The following LONP2 variants were observed in gnomAD, a reference collection of about 807,000 sequenced individuals.
LONP2 encodes lon peptidase 2, peroxisomal, also known as lon protease homolog 2, peroxisomal.
In LONP2, 60 loss-of-function variants were observed where a neutral mutation model predicts 85.6. The observed-to-expected ratio is 0.70, with a 90% CI of 0.57 to 0.87. The LOEUF is 0.87. Among genes scored for constraint, LONP2 ranks in the 40% least tolerant of loss-of-function variants. The pLI is 0.00. For missense variants in LONP2, 860 were observed against 1,063.5 expected (o/e 0.81, Z 2.66); for synonymous variants, 395 against 389.7 (o/e 1.01, Z -0.16).
Position 48,303,225 on chromosome 16 carries a change from G to C in LONP2, c.1715G>C (p.Cys572Ser). ...RSLDRKLGAICRAVAVKVAEG... is the reference protein window; with the variant it reads ...RSLDRKLGAISRAVAVKVAEG... ...CTGGATAGAAAACTTGGGGCCATTT[G>C]CCGAGCTGTGGCCGTGAAGGTGGCA... Residue 572 changes from cysteine (C) to serine (S), a missense_variant, in exon 11 of 15, where the codon TGC becomes TCC. Around this residue, in one of 3 missense-constraint regions of LONP2, gnomAD observed 743 missense variants for 917.3 expected, o/e 0.81. Transcript: ENST00000285737. 1 of 1,614,156 alleles carries C rather than the reference G, an allele frequency of 6.2e-7. No individual in the cohort carries two copies. The highest frequency in any genetic ancestry group is 8.5e-7 in the Non-Finnish European group (1 of 1,180,036).
intron 7 of LONP2, among the ~76,000 whole-genome samples, chr16:48,272,614 G>T (rs146790576): frequency 6.6e-6 from 1 of 152,090 alleles, no homozygotes; most frequent in Admixed American, 6.6e-5. Context: ...TTTTAGAAAC[G>T]TATATATGGA....
chr16:48,277,036 G>A (rs556504320), intron 7 of LONP2, among the ~76,000 whole-genome samples: 34 of 152,146 alleles, frequency 2.2e-4, no homozygotes, highest in Non-Finnish European at 3.7e-4. Context: ...GAATCTTGAA[G>A]AGTAAGAACC....
chr16:48,305,233 TG>T (rs1177441909), intron 11 of LONP2, among the ~76,000 whole-genome samples: 1 of 152,110 alleles, frequency 6.6e-6, no homozygotes, highest in Non-Finnish European at 1.5e-5. Flanking sequence ...CTTTAAAACT[TG>T]TGCTTTATTT....
downstream of LONP2, chr16:48,357,392 C>T (rs1463739397): frequency 1.3e-5 from 2 of 152,182 alleles, no homozygotes; most frequent in African/African-American, 4.8e-5. Flanking sequence ...CCAAATACTC[C>T]TTTGTGCTTT....
At chr16:48,350,073 T>G (rs926222267) in intron 14 of LONP2, among the ~76,000 whole-genome samples, 11 of 152,052 alleles carry the variant, frequency 7.2e-5, no homozygotes, top group Non-Finnish European at 1.5e-4. Context: ...GAAATATATC[T>G]CTACAAAAAT....
chr16:48,290,411 A>G (rs954532084), intron 8 of LONP2, among the ~76,000 whole-genome samples: 2 of 152,148 alleles, frequency 1.3e-5, no homozygotes, highest in African/African-American at 4.8e-5. Flanking sequence ...TTCAATTCTG[A>G]CAAAGTGTAT....
At chr16:48,347,230 G>A (rs544844414) in intron 12 of LONP2, among the ~76,000 whole-genome samples, 1 of 152,310 alleles carries the variant, frequency 6.6e-6, no homozygotes, top group South Asian at 2.1e-4. Context: ...ACTAGGGCAT[G>A]TGTAGCTAGA....
chr16:48,248,885 G>GAAAAAAAAAAAAAAAAAA (rs768247989), intron 1 of LONP2, among the ~76,000 whole-genome samples: 1 of 91,428 alleles, frequency 1.1e-5, no homozygotes, highest in Non-Finnish European at 2.3e-5. Context: ...CTGTCTATAG[G>GAAAAAAAAAAAAAAAAAA]AAAAAAAAAA....
At chr16:48,321,621 C>T (rs556993125) in intron 11 of LONP2, among the ~76,000 whole-genome samples, 1 of 152,298 alleles carries the variant, frequency 6.6e-6, no homozygotes, top group African/African-American at 2.4e-5. Context: ...TTCTACACAC[C>T]TAGGCTATAT....
chr16:48,305,189 A>G (rs1972888018), intron 11 of LONP2, among the ~76,000 whole-genome samples: 1 of 152,238 alleles, frequency 6.6e-6, no homozygotes, highest in Non-Finnish European at 1.5e-5. Context: ...GAGTAGGAGT[A>G]GAGGTAGTGA....
chr16:48,248,181 G>C (rs1002645363), intron 1 of LONP2, among the ~76,000 whole-genome samples: 4 of 151,840 alleles, frequency 2.6e-5, no homozygotes, highest in African/African-American at 7.3e-5. Context: ...TGGTGCAGTG[G>C]TGCCATCTCA....
intron 1 of LONP2, among the ~76,000 whole-genome samples, chr16:48,245,157 C>T (rs551291733): frequency 6.6e-6 from 1 of 152,146 alleles, no homozygotes; most frequent in Non-Finnish European, 1.5e-5. Flanking sequence ...CTTCTATACT[C>T]CCTGCCACCC....
rs768590546 is a variant in LONP2, at chr16:48,348,126, AAC to A, written c.2177_2178del (p.Thr726ArgfsTer31). On this transcript the variant is annotated frameshift_variant, in exon 14 of 15. Coordinates refer to ENST00000285737, the MANE Select transcript of LONP2 (RefSeq NM_031490.5). LOFTEE classifies it high-confidence loss of function. Reference protein sequence around the residue: ...NAFGSFDLLDNTDIHLHFPAG... With the variant: ...NAFGSFDLLDXTDIHLHFPAG... ...TTTTGGAAGTTTTGATCTTCTTGAC[AAC>A]ACAGACATCCATCTGCACTTCCCAG... The A allele has an allele frequency of 3.1e-6, 5 of 1,606,580 alleles. No homozygotes were observed. The highest frequency in any genetic ancestry group is 1.7e-5 in the Admixed American group (1 of 57,732).
chr16:48,321,327 G>T (rs1379936594), intron 11 of LONP2, among the ~76,000 whole-genome samples: 1 of 152,110 alleles, frequency 6.6e-6, no homozygotes, highest in Non-Finnish European at 1.5e-5. Flanking sequence ...AATTGTCTAG[G>T]AATATTTTCT....
rs746955045 is a variant in LONP2 at position 48,353,396 on chromosome 16, T to G, written c.*1594T>G. The G allele has an allele frequency of 4.0e-5, 6 of 151,140 alleles. No individual in the cohort carries two copies. Among genetic ancestry groups the G allele is most frequent in the African/African-American group, 7.3e-5 (3 of 40,934 alleles). 9.4% of individuals were successfully genotyped at this position (151,140 alleles called of 1,614,324 possible). ...TGGCACCCGCCTGTAGTCCAGCTAC[T>G]TGAGGCTGAGATGGGAGGATGAGGG... is the stretch of plus-strand genomic sequence containing the variant. On this transcript the variant is annotated 3_prime_UTR_variant, in exon 15 of 15. Transcript: ENST00000285737.
chr16:48,310,632 G>A (rs562189468), intron 11 of LONP2, among the ~76,000 whole-genome samples: 10 of 152,258 alleles, frequency 6.6e-5, no homozygotes, highest in East Asian at 1.9e-4. Flanking sequence ...GATTACAGGC[G>A]TGAACCACCG....
intron 6 of LONP2, among the ~76,000 whole-genome samples, chr16:48,266,674 A>G (rs1426586790): frequency 2.0e-5 from 3 of 152,164 alleles, no homozygotes; most frequent in African/African-American, 4.8e-5. Context: ...ATGTTGCTGT[A>G]TATAACAGTA....
intron 5 of LONP2, among the ~76,000 whole-genome samples, chr16:48,262,335 A>G (rs1971895745): frequency 6.6e-6 from 1 of 152,236 alleles, no homozygotes; most frequent in South Asian, 2.1e-4. Flanking sequence ...TGTGATAAGT[A>G]AACCAATGGA....
At chr16:48,328,675 C>CAAA (rs964534755) in intron 11 of LONP2, among the ~76,000 whole-genome samples, 1 of 67,642 alleles carries the variant, frequency 1.5e-5, no homozygotes, top group Non-Finnish European at 3.0e-5. Flanking sequence ...GACTCCGTCT[C>CAAA]AAAAAAAAAA....
Sources: gnomAD v4.1 joint callset for allele counts (sites outside exome capture counted in the v4.1 genomes callset) on GRCh38, gnomAD v4.1.1 for gene constraint, gnomAD v4.1.1 regional missense constraint, MANE v1.5 for transcripts, NCBI Gene and HGNC (gene_info 2026-07-23, HGNC 2026-07-21) for gene names.